The following ABCA10 variants were observed in gnomAD, a reference collection of about 807,000 sequenced individuals.
The protein encoded by ABCA10 is ATP-binding cassette sub-family A member 10.
In ABCA10, 169 loss-of-function variants were observed where a neutral mutation model predicts 187.5. The observed-to-expected ratio is 0.90, with a 90% confidence interval of 0.80 to 1.02. ABCA10 has a LOEUF of 1.02. Ranked by LOEUF, ABCA10 falls within the 50% of genes least tolerant of loss-of-function variation. ABCA10 has a pLI of 0.00. For missense variants in ABCA10, 1,727 were observed against 1,812.4 expected (o/e 0.95, Z 0.86); for synonymous variants, 574 against 601.8 (o/e 0.95, Z 0.68).
intron 27 of ABCA10, 59 bp downstream of exon 27, chr17:69,164,015 A>G: frequency 7.4e-7 from 1 of 1,357,074 alleles, no homozygotes; most frequent in African/African-American, 1.5e-5. Flanking sequence ...CTTGAATAAG[A>G]TTTCACGGGG....
intron 27 of ABCA10, 140 bp downstream of exon 27, chr17:69,163,934 C>G: frequency 1.8e-6 from 1 of 560,548 alleles, no homozygotes; most frequent in Non-Finnish European, 3.0e-6. Flanking sequence ...ATCTTTAGTT[C>G]TTGCTGCCAT....
At chr17:69,156,276 A>T (rs552600640) in intron 28 of ABCA10, among the ~76,000 whole-genome samples, 1 of 152,294 alleles carries the variant, frequency 6.6e-6, no homozygotes, top group Admixed American at 6.5e-5. Flanking sequence ...TTTATATGGA[A>T]CCAGTTTTTA....
intron 27 of ABCA10, among the ~76,000 whole-genome samples, chr17:69,162,364 C>G (rs961677049): frequency 2.0e-5 from 3 of 152,170 alleles, no homozygotes; most frequent in African/African-American, 7.2e-5. Flanking sequence ...TCATGGGCAA[C>G]AGTTTTTTGG....
chr17:69,224,584 G>A (rs2074778013), intron 3 of ABCA10, among the ~76,000 whole-genome samples: 1 of 150,796 alleles, frequency 6.6e-6, no homozygotes, highest in Admixed American at 6.7e-5. Flanking sequence ...ACTCTCAGGT[G>A]TTCTTATTTC....
chr17:69,182,626 A>T, intron 21 of ABCA10, 49 bp downstream of exon 21: 7 of 1,526,938 alleles, frequency 4.6e-6, no homozygotes, highest in Non-Finnish European at 6.1e-6. Flanking sequence ...GACGTGGCAA[A>T]AAAAACAAAA....
chr17:69,199,988 T>C (rs2144814912), intron 10 of ABCA10, among the ~76,000 whole-genome samples: 1 of 152,304 alleles, frequency 6.6e-6, no homozygotes, highest in South Asian at 2.1e-4. Flanking sequence ...AGAAATTTCC[T>C]CAACTCCAGG....
intron 4 of ABCA10, among the ~76,000 whole-genome samples, 183 bp from the exon 5 acceptor site, chr17:69,222,078 G>A (rs1383567407): frequency 5.3e-5 from 8 of 152,286 alleles, no homozygotes; most frequent in Non-Finnish European, 1.2e-4. Flanking sequence ...TATGATGGCA[G>A]GGGCAGTGGC....
rs9302882 is a variant in ABCA10 at position 69,162,844 on chromosome 17, T to C, written c.3363+1230A>G. ...ACATATACATATACATATACATATA[T>C]ATATATATATATGAGACGGAGTCTC... is the stretch of plus-strand genomic sequence containing the variant. On this transcript the variant is annotated intron_variant, in intron 27 of 38. Transcript: ENST00000690296. Among the ~76,000 whole-genome samples, 97 of 20,510 alleles carry C rather than the reference T, an allele frequency of 4.7e-3. 1 individual carries two copies. Among genetic ancestry groups the C allele is most frequent in the African/African-American group, 5.4e-3 (19 of 3,516 alleles). 13.5% of individuals were successfully genotyped at this position (20,510 alleles called of 152,430 possible).
intron 36 of ABCA10, 35 bp from the exon 37 acceptor site, chr17:69,150,098 T>A: frequency 6.7e-7 from 1 of 1,498,458 alleles, no homozygotes; most frequent in Non-Finnish European, 9.2e-7. Context: ...ATTACTAAGT[T>A]TCAGTGTGAT....
In ABCA10 at chr17:69,152,109, G is replaced by T. The variant is rs1472369882; in HGVS notation, c.4331C>A (p.Pro1444His). The T allele has an allele frequency of 1.2e-6, 2 of 1,613,768 alleles. No individual in the cohort carries two copies. Among genetic ancestry groups the T allele is most frequent in the Admixed American group, 3.3e-5 (2 of 59,968 alleles). Residue 1444 changes from proline to histidine, a missense_variant, in exon 36 of 39, where the codon CCT becomes CAT. Physicochemically the swap from Pro to His is moderately conservative, Grantham distance 77. Transcript: ENST00000690296. ...DYLLEIKMKE[P>H]TQVEALHTEI... The stretch of plus-strand genomic sequence containing the variant: ...TGTGTGGAGAGCTTCCACCTGGGTA[G>T]GTTCTTTCATTTTTATTTCTAGTAA...
Position 69,153,358 on chromosome 17 carries a change from C to T in ABCA10, c.4083G>A (p.Val1361=), listed in dbSNP as rs368430285. The T allele has an allele frequency of 1.2e-6, 2 of 1,613,474 alleles. No homozygotes were observed. The highest frequency in any genetic ancestry group is 1.3e-5 in the African/African-American group (1 of 74,898). ...TCCCGGTGAACGGCTCATCTAGAAG[C>T]ACCACTGATGGGTTCCCCAGGATGC... ...VLSILGNPSV[V]LLDEPFTGMD... is the part of the protein sequence containing the mutation. The change falls in exon 34 of 39, where the codon GTG becomes GTA. Residue 1361 remains valine, a synonymous_variant. Coordinates refer to ENST00000690296, the MANE Select transcript of ABCA10 (RefSeq NM_001377321.1).
chr17:69,183,633 T>C (rs1388156287), intron 20 of ABCA10, among the ~76,000 whole-genome samples: 2 of 152,188 alleles, frequency 1.3e-5, no homozygotes, highest in East Asian at 3.9e-4. Context: ...TTACCTTACC[T>C]GGAGCTAAGA....
rs766209028 is a variant in ABCA10, at chr17:69,153,363, C to T, written c.4078G>A (p.Val1360Met). The change falls in exon 34 of 39, where the codon GTG (valine) becomes ATG (methionine). Residue 1360 changes from valine to methionine, a missense_variant. Transcript: ENST00000690296. ...FVLSILGNPS[V>M]VLLDEPFTGM... is the part of the protein sequence containing the mutation. ...GTGAACGGCTCATCTAGAAGCACCA[C>T]TGATGGGTTCCCCAGGATGCTCAGC... The T allele has an allele frequency of 1.2e-6, 2 of 1,613,758 alleles. No individual in the cohort carries two copies. The highest frequency in any genetic ancestry group is 1.7e-6 in the Non-Finnish European group (2 of 1,179,790).
intron 25 of ABCA10, among the ~76,000 whole-genome samples, chr17:69,172,611 C>A (rs750640618): frequency 1.3e-4 from 19 of 150,878 alleles, no homozygotes; most frequent in Middle Eastern, 6.8e-3. Context: ...GCAGCCCTAG[C>A]AAATTAATAC....
chr17:69,237,235 T>C (rs548946813), intron 1 of ABCA10, among the ~76,000 whole-genome samples: 77 of 152,336 alleles, frequency 5.1e-4, no homozygotes, highest in Non-Finnish European at 6.3e-4. Context: ...ACCCTAAACG[T>C]AGCCTTAGGG....
chr17:69,185,858 G>C (rs2074417432), intron 19 of ABCA10, among the ~76,000 whole-genome samples: 1 of 152,066 alleles, frequency 6.6e-6, no homozygotes, highest in East Asian at 1.9e-4. Flanking sequence ...GGGTAACAGA[G>C]CATCAAGAGA....
At chr17:69,169,834 A>T (rs937762492) in intron 25 of ABCA10, among the ~76,000 whole-genome samples, 5 of 152,238 alleles carry the variant, frequency 3.3e-5, no homozygotes, top group Non-Finnish European at 5.9e-5. Flanking sequence ...TAAACAATAT[A>T]AACTGAAATA....
Position 69,193,935 on chromosome 17 carries a change from A to G in ABCA10, c.1400T>C (p.Ile467Thr). Residue 467 changes from isoleucine to threonine, a missense_variant, in exon 13 of 39, where the codon ATT becomes ACT. Physicochemically the swap from Ile to Thr is moderately conservative, Grantham distance 89. Transcript: ENST00000690296. ...QLSEITDMEE[I>T]RKNIGFCPQF... is the part of the protein sequence containing the mutation. ...TGGACAAAATCCAATATTCTTTCTA[A>G]TTTCTTCCATGTCAGTTATTTCAGA... 4 of 1,612,008 alleles carry G rather than the reference A, an allele frequency of 2.5e-6. No individual in the cohort carries two copies. The highest frequency in any genetic ancestry group is 3.4e-6 in the Non-Finnish European group (4 of 1,178,634).
At chr17:69,150,330 T>C in intron 36 of ABCA10, 1 of 300,450 alleles carries the variant, frequency 3.3e-6, no homozygotes, top group Non-Finnish European at 6.2e-6. Context: ...CACTTTGTTA[T>C]TGTGCTATAT....
Sources: allele counts gnomAD v4.1 joint callset (sites outside exome capture counted in the v4.1 genomes callset), GRCh38; gene constraint gnomAD v4.1.1; transcripts MANE v1.5; gene names NCBI Gene and HGNC (gene_info 2026-07-23, HGNC 2026-07-21).